The following SAMM50 variants were observed in gnomAD, a reference collection of about 807,000 sequenced individuals.
The protein encoded by SAMM50 is SAMM50 sorting and assembly machinery component.
A neutral mutation model predicts 66.9 loss-of-function variants in SAMM50; 47 were observed. The ratio of observed to expected loss-of-function variants is 0.70; its 90% confidence interval spans 0.56 to 0.90. The LOEUF (loss-of-function observed/expected upper bound fraction) is 0.90. SAMM50 is among the 40% of genes least tolerant of loss of function. The pLI, the probability that SAMM50 is intolerant of heterozygous loss-of-function variation, is 0.00. For missense variants in SAMM50, 535 were observed against 595.3 expected (o/e 0.90, Z 1.05); for synonymous variants, 191 against 214.1 (o/e 0.89, Z 0.94).
chr22:43,968,302 ACAC>A (rs1014991451), intron 3 of SAMM50, among the ~76,000 whole-genome samples: 1 of 152,120 alleles, frequency 6.6e-6, no homozygotes, highest in African/African-American at 2.4e-5. Flanking sequence ...GAAAATTGAA[ACAC>A]CACAAGAAGA....
rs2050187890 is a variant in SAMM50 at position 43,968,753 on chromosome 22, C to T, written c.257C>T (p.Ala86Val). The change falls in exon 4 of 15, where the codon GCC (alanine) becomes GTC (valine). Residue 86 changes from alanine (A) to valine (V), a missense_variant. By Grantham distance (64) the Ala-to-Val change is moderately conservative. Coordinates refer to ENST00000350028, the MANE Select transcript of SAMM50 (RefSeq NM_015380.5). ...TAGGTAATGCGGAAATCTCATGAAG[C>T]CCGTGAAAAATTGCTCCGTCTTGGA... ...LIEVMRKSHEAREKLLRLGIF... is the reference protein window; with the variant it reads ...LIEVMRKSHEVREKLLRLGIF... 1 of 1,612,498 alleles carries T rather than the reference C, an allele frequency of 6.2e-7. No individual in the cohort carries two copies. The highest frequency in any genetic ancestry group is 8.5e-7 in the Non-Finnish European group (1 of 1,178,522).
Position 43,983,976 on chromosome 22 carries a change from C to T in SAMM50, c.1051C>T (p.His351Tyr), listed in dbSNP as rs2050277939. 6.2e-7 allele frequency: 1 copy of T among 1,611,926 alleles called. No homozygotes were observed. The highest frequency in any genetic ancestry group is 2.2e-5 in the East Asian group (1 of 44,670). Residue 351 changes from histidine (H) to tyrosine (Y), a missense_variant, in exon 12 of 15, where the codon CAC (histidine) becomes TAC (tyrosine). Coordinates refer to ENST00000350028, the MANE Select transcript of SAMM50 (RefSeq NM_015380.5). The surrounding 1 kb of genome is among the most constrained non-coding windows in gnomAD (Gnocchi z 4.2). ...CACAAGCATCCGCGGATTCAGCATG[C>T]ACAGCATCGGGCCACAGAGCGAAGG... ...GPTSIRGFSM[H>Y]SIGPQSEGDY...
chr22:43,986,368 T>C (rs1281214709), intron 12 of SAMM50: 1 of 151,998 alleles, frequency 6.6e-6, no homozygotes, highest in African/African-American at 2.4e-5. Flanking sequence ...AAATTCTAGA[T>C]GTGAAATCGC....
chr22:43,963,023 C>T (rs900154504), intron 1 of SAMM50: 1 of 215,086 alleles, frequency 4.6e-6, no homozygotes, highest in Non-Finnish European at 9.2e-6. Context: ...TGAGCCACCA[C>T]ACTCCCCCTG....
intron 12 of SAMM50, chr22:43,988,323 C>T (rs2050304598): frequency 6.6e-6 from 1 of 152,140 alleles, no homozygotes; most frequent in Admixed American, 6.5e-5. Flanking sequence ...CAGTTCATTC[C>T]TTGAAGTTAG....
At chr22:43,969,876 A>G (rs1235002787) in intron 4 of SAMM50, among the ~76,000 whole-genome samples, 2 of 152,180 alleles carry the variant, frequency 1.3e-5, no homozygotes, top group Admixed American at 6.5e-5. Flanking sequence ...TGGGCCTAAC[A>G]TGGCGCGGTA....
At chr22:43,990,980 ATTT>A (rs10661965) in intron 14 of SAMM50, among the ~76,000 whole-genome samples, 2 of 148,568 alleles carry the variant, frequency 1.3e-5, no homozygotes, top group African/African-American at 4.9e-5. Context: ...ATTGTGTAAA[ATTT>A]TTTTTTTTTT....
intron 3 of SAMM50, among the ~76,000 whole-genome samples, chr22:43,967,546 C>T (rs2050179664): frequency 6.6e-6 from 1 of 152,210 alleles, no homozygotes; most frequent in Admixed American, 6.5e-5. Context: ...TCCTCCCCTC[C>T]AATACCATGG....
At chr22:43,972,413 C>A (rs2050208590) in intron 5 of SAMM50, 71 bp downstream of exon 5, 2 of 822,240 alleles carry the variant, frequency 2.4e-6, no homozygotes, top group Non-Finnish European at 3.7e-6. Context: ...TGACTGCATT[C>A]TAAAAGCTGA....
chr22:43,960,151 G>A (rs1328626041), intron 1 of SAMM50, among the ~76,000 whole-genome samples: 8 of 152,176 alleles, frequency 5.3e-5, no homozygotes, highest in African/African-American at 1.9e-4. Context: ...AGATGAGTAT[G>A]TGCACATAAT....
chr22:43,963,361 C>T lies in SAMM50; in HGVS notation c.97C>T (p.Pro33Ser), dbSNP rs2146807187. 6.2e-7 allele frequency: 1 copy of T among 1,612,356 alleles called. No individual in the cohort carries two copies. The highest frequency in any genetic ancestry group is 1.1e-5 in the South Asian group (1 of 90,738). ...GEEAEFVEVE[P>S]EAKQEILENK... ...AGAAGCTGAATTTGTTGAAGTTGAGCCTGAAGCTAAACAGGAAATTCTTGA... is the reference window on the plus strand; with the variant it reads ...AGAAGCTGAATTTGTTGAAGTTGAGTCTGAAGCTAAACAGGAAATTCTTGA... The change falls in exon 2 of 15, where the codon CCT becomes TCT. Residue 33 changes from proline to serine, a missense_variant. Physicochemically the swap from Pro to Ser is moderately conservative, Grantham distance 74. Transcript: ENST00000350028.
chr22:43,975,844 C>T (rs529963913), intron 7 of SAMM50: 2 of 550,698 alleles, frequency 3.6e-6, no homozygotes, highest in East Asian at 3.1e-5. Context: ...CCTTTGATTC[C>T]CTTCACAGCT....
At chr22:43,981,490 T>G in intron 11 of SAMM50, 29 bp downstream of exon 11, 1 of 1,485,120 alleles carries the variant, frequency 6.7e-7, no homozygotes, top group Non-Finnish European at 9.4e-7. Flanking sequence ...ATGGATAATT[T>G]GCACATATTT....
chr22:43,981,040 G>A (rs960191957), intron 10 of SAMM50, among the ~76,000 whole-genome samples: 1 of 152,254 alleles, frequency 6.6e-6, no homozygotes, highest in African/African-American at 2.4e-5. Flanking sequence ...GGCCTGAGCA[G>A]GTGCAGGGGG....
At chr22:43,964,877 G>A (rs1248817478) in intron 3 of SAMM50, among the ~76,000 whole-genome samples, 1 of 152,156 alleles carries the variant, frequency 6.6e-6, no homozygotes, top group Non-Finnish European at 1.5e-5. Flanking sequence ...CAGGCACCGC[G>A]CTGAGTTCCT....
At chr22:43,960,753 G>A (rs2050143806) in intron 1 of SAMM50, among the ~76,000 whole-genome samples, 1 of 152,036 alleles carries the variant, frequency 6.6e-6, no homozygotes, top group Non-Finnish European at 1.5e-5. Context: ...AACAGAAGGG[G>A]TACCTGTGAA....
At chr22:43,976,892 G>C in intron 9 of SAMM50, 71 bp downstream of exon 9, 1 of 918,856 alleles carries the variant, frequency 1.1e-6, no homozygotes, top group Admixed American at 2.1e-5. Flanking sequence ...TAAAGTCCCG[G>C]TGGGCTGGGT....
chr22:43,984,007 C>T lies in SAMM50; in HGVS notation c.1075+7C>T, dbSNP rs1487475344. 1.9e-6 allele frequency: 3 copies of T among 1,607,316 alleles called. No individual in the cohort carries two copies. The African/African-American group carries it at 4.0e-5, about 22-fold the overall frequency. ...ATCGGGCCACAGAGCGAAGGTCTGTCCTTTCCCCTCACGGCGCCAAGTCTA... is the reference window on the plus strand; with the variant it reads ...ATCGGGCCACAGAGCGAAGGTCTGTTCTTTCCCCTCACGGCGCCAAGTCTA... On this transcript the variant is annotated splice_region_variant and intron_variant, in intron 12 of 14. Coordinates refer to ENST00000350028, the MANE Select transcript of SAMM50 (RefSeq NM_015380.5).
intron 1 of SAMM50, 121 bp downstream of exon 1, chr22:43,955,719 G>T: frequency 8.8e-7 from 1 of 1,135,984 alleles, no homozygotes; most frequent in Non-Finnish European, 1.2e-6. Flanking sequence ...TGCCAAGGGT[G>T]CCGGGCTGGG....
Sources: allele counts gnomAD v4.1 joint callset (sites outside exome capture counted in the v4.1 genomes callset), GRCh38; gene constraint gnomAD v4.1.1; non-coding constraint Gnocchi (gnomAD v3.1); transcripts MANE v1.5; gene names NCBI Gene and HGNC (gene_info 2026-07-23, HGNC 2026-07-21).